The following CACNA1C variants were observed in gnomAD, a reference collection of about 807,000 sequenced individuals.
CACNA1C encodes voltage-dependent L-type calcium channel subunit alpha-1C.
Under a neutral mutation model 229.0 loss-of-function variants are expected in CACNA1C, and 30 were observed. The ratio of observed to expected loss-of-function variants is 0.13; its 90% CI spans 0.10 to 0.18. The LOEUF (loss-of-function observed/expected upper bound fraction) is 0.18. CACNA1C is among the 10% of genes least tolerant of loss of function. CACNA1C has a pLI of 1.00. For synonymous variants in CACNA1C, 1,114 were observed against 1,132.5 expected (o/e 0.98, Z 0.33); for missense variants, 1,658 against 2,845.0 (o/e 0.58, Z 9.49).
chr12:2,253,397 T>C (rs572879224), intron 3 of CACNA1C, among the ~76,000 whole-genome samples: 1 of 152,360 alleles, frequency 6.6e-6, no homozygotes, highest in South Asian at 2.1e-4. Flanking sequence ...GAAAGGATGA[T>C]TATTTATTGG....
rs962010385 is a variant in CACNA1C, at chr12:2,438,047, G to T, written c.478-10929G>T. On this transcript the variant is annotated intron_variant, in intron 3 of 46. Coordinates refer to ENST00000399655, the MANE Select transcript of CACNA1C (RefSeq NM_000719.7). ...TGGTAGTGGTGGTGAGGGTGGTGGT[G>T]GTAATGATGGTGGTGATGATGGTAG... 4.7e-5 allele frequency among the ~76,000 whole-genome samples: 7 copies of T among 147,950 alleles called. No individual in the cohort carries two copies. In the South Asian group the frequency reaches 8.8e-4, roughly 19 times the overall value.
rs1317913419 is a variant in CACNA1C at position 2,605,547 on chromosome 12, T to C, written c.3049-132T>C. ...GGGTCCATCACTTCCCATGTGACTT[T>C]GGGAGCGTGGCTTTGCCCCTCTCAG... is the stretch of plus-strand genomic sequence containing the variant. On this transcript the variant is annotated intron_variant, in intron 23 of 46. Transcript: ENST00000399655. This position sits in a 1 kb window ranked among gnomAD's most constrained non-coding sequence, Gnocchi z 6.2. The C allele has an allele frequency of 1.1e-5, 8 of 702,212 alleles. No homozygotes were observed. The Admixed American group carries it at 1.8e-4, about 16-fold the overall frequency. The allele number at this position is 702,212 out of a possible 1,614,324, so 43.5% of individuals were successfully genotyped here. A position where few individuals can be genotyped will look rare whatever the true frequency, so the allele number is the denominator to read the frequency against.
chr12:2,645,638 A>G (rs1251540562), intron 30 of CACNA1C, among the ~76,000 whole-genome samples: 1 of 152,212 alleles, frequency 6.6e-6, no homozygotes, highest in East Asian at 1.9e-4. Context: ...CCAGGGCATC[A>G]GTAGACCTCG....
rs768246815 is a variant in CACNA1C, at chr12:2,557,431, C to G, written c.1508+454C>G. Among the ~76,000 whole-genome samples the G allele has an allele frequency of 2.6e-5, 4 of 152,294 alleles. No individual in the cohort carries two copies. The South Asian group carries it at 8.3e-4, about 32-fold the overall frequency. ...ACAATGACAGAACCTACAAAAGGAT[C>G]CAGGGTCCTCAGCCCCCATCTGCCT... On this transcript the variant is annotated intron_variant, in intron 11 of 46. Transcript: ENST00000399655.
At chr12:2,426,584 A>G (rs1490481552) in intron 3 of CACNA1C, among the ~76,000 whole-genome samples, 1 of 152,250 alleles carries the variant, frequency 6.6e-6, no homozygotes, top group East Asian at 1.9e-4. Context: ...CTGCGTAACA[A>G]ACTACCCGGA....
chr12:2,605,282 G>T lies in CACNA1C; in HGVS notation c.3048+114G>T. 7.1e-6 allele frequency: 5 copies of T among 708,502 alleles called. No individual in the cohort carries two copies. The highest frequency in any genetic ancestry group is 1.3e-5 in the Non-Finnish European group (5 of 398,848). The allele number at this position is 708,502 out of a possible 1,614,324, so 43.9% of individuals were successfully genotyped here. On this transcript the variant is annotated intron_variant, in intron 23 of 46. Coordinates refer to ENST00000399655, the MANE Select transcript of CACNA1C (RefSeq NM_000719.7). The surrounding 1 kb of genome is among the most constrained non-coding windows in gnomAD (Gnocchi z 6.2). The stretch of plus-strand genomic sequence containing the variant: ...GATGGTCAGACCAAGTGGCTGCCAT[G>T]TGGGGTCCCGGACACTGGTCCCACT...
chr12:2,550,717 C>T, intron 10 of CACNA1C: 1 of 1,259,404 alleles, frequency 7.9e-7, no homozygotes, highest in African/African-American at 1.5e-5. Flanking sequence ...GGCGGCATCT[C>T]CCTTCCCTCC....
chr12:2,424,943 T>A (rs1333612504), intron 3 of CACNA1C, among the ~76,000 whole-genome samples: 2 of 152,194 alleles, frequency 1.3e-5, no homozygotes, highest in Non-Finnish European at 2.9e-5. Context: ...CCTCTGCACC[T>A]GGAGGAGGAC....
At chr12:2,121,288 G>A (rs536440448) in intron 3 of CACNA1C, among the ~76,000 whole-genome samples, 1 of 152,332 alleles carries the variant, frequency 6.6e-6, no homozygotes, top group East Asian at 1.9e-4. Context: ...TTTAATTACT[G>A]AGATGGAACC....
chr12:2,036,062 G>A (rs1253390217), intron 1 of CACNA1C, among the ~76,000 whole-genome samples: 1 of 152,184 alleles, frequency 6.6e-6, no homozygotes, highest in Non-Finnish European at 1.5e-5. Flanking sequence ...GGGGTTGGAG[G>A]GTGAGTTAGG....
rs574679859 is a variant in CACNA1C at position 2,037,689 on chromosome 12, C to T, written c.139+66488C>T. The stretch of plus-strand genomic sequence containing the variant: ...AGCTCAGGATTGTAATTGTGTCCCA[C>T]TGGAGGAACAGCACGAAGTTCTGAA... On this transcript the variant is annotated intron_variant, in intron 1 of 46. Transcript: ENST00000682462. Among the ~76,000 whole-genome samples, 17 of 152,330 alleles carry T rather than the reference C, an allele frequency of 1.1e-4. No individual in the cohort carries two copies. The South Asian group carries it at 2.7e-3, about 24-fold the overall frequency.
chr12:2,360,153 C>CCCCA (rs2097517938), intron 3 of CACNA1C, among the ~76,000 whole-genome samples: 1 of 103,414 alleles, frequency 9.7e-6, no homozygotes, highest in African/African-American at 4.4e-5. Context: ...ACAAACACAC[C>CCCCA]CCACCCCCCC....
intron 3 of CACNA1C, among the ~76,000 whole-genome samples, chr12:2,291,701 C>T (rs2093533350): frequency 6.6e-6 from 1 of 152,188 alleles, no homozygotes; most frequent in South Asian, 2.1e-4. Context: ...CTGGGTAGAG[C>T]ATCCAGGCTG....
chr12:2,324,673 G>C (rs575807197), intron 3 of CACNA1C, among the ~76,000 whole-genome samples: 1 of 152,352 alleles, frequency 6.6e-6, no homozygotes, highest in Admixed American at 6.5e-5. Context: ...CAGGCTTGCT[G>C]GTAGACTCCA....
chr12:2,687,779 T>A (rs2097584205), intron 45 of CACNA1C, among the ~76,000 whole-genome samples: 1 of 152,230 alleles, frequency 6.6e-6, no homozygotes, highest in Non-Finnish European at 1.5e-5. Flanking sequence ...CCTCAGGTGA[T>A]CTGCCCGCCT....
chr12:2,003,703 G>A (rs1313342548), intron 1 of CACNA1C, among the ~76,000 whole-genome samples: 1 of 152,190 alleles, frequency 6.6e-6, no homozygotes, highest in Admixed American at 6.5e-5. Context: ...CTTCCCAAGA[G>A]CATCAGCTTC....
At chr12:2,474,239 C>T (rs1238534425) in intron 5 of CACNA1C, among the ~76,000 whole-genome samples, 1 of 152,214 alleles carries the variant, frequency 6.6e-6, no homozygotes, top group Non-Finnish European at 1.5e-5. Context: ...ACCTTTTCCT[C>T]CTGTTTGGCC....
At chr12:2,118,050 C>T (rs1287878938) in intron 2 of CACNA1C, among the ~76,000 whole-genome samples, 2 of 152,238 alleles carry the variant, frequency 1.3e-5, no homozygotes, top group African/African-American at 4.8e-5. Context: ...GGGTTCTCTG[C>T]TTTTCAGCCA....
Position 2,504,385 on chromosome 12 carries a change from G to A in CACNA1C, c.1114-457G>A. 1.9e-6 allele frequency: 2 copies of A among 1,061,832 alleles called. No individual in the cohort carries two copies. The highest frequency in any genetic ancestry group is 2.9e-6 in the Non-Finnish European group (2 of 678,244). The allele number at this position is 1,061,832 out of a possible 1,614,324, so 65.8% of individuals were successfully genotyped here. On this transcript the variant is annotated intron_variant, in intron 7 of 46. Coordinates refer to ENST00000399655, the MANE Select transcript of CACNA1C (RefSeq NM_000719.7). The surrounding 1 kb of genome is among the most constrained non-coding windows in gnomAD (Gnocchi z 6.8). ...GCTCACACCTGCTGCCTGCCTCTTT[G>A]CTGTAACCCAATTCTGCTTCTTCTT... is the stretch of plus-strand genomic sequence containing the variant.
Sources: allele counts gnomAD v4.1 joint callset (sites outside exome capture counted in the v4.1 genomes callset), GRCh38; gene constraint gnomAD v4.1.1; non-coding constraint Gnocchi (gnomAD v3.1); transcripts MANE v1.5; gene names NCBI Gene and HGNC (gene_info 2026-07-23, HGNC 2026-07-21).